The following TTLL5 variants were observed in gnomAD, a reference collection of about 807,000 sequenced individuals.
TTLL5 encodes tubulin polyglutamylase TTLL5.
TTLL5 carries 132 observed loss-of-function variants against 168.4 expected under a neutral mutation model. The ratio of observed to expected loss-of-function variants is 0.78; its 90% CI spans 0.68 to 0.91. The LOEUF (loss-of-function observed/expected upper bound fraction) is 0.91, where lower values mean the gene tolerates loss of function less well. TTLL5 is among the 40% of genes least tolerant of loss of function. The pLI is 0.00. For synonymous variants in TTLL5, 546 were observed against 558.6 expected, an observed-to-expected ratio of 0.98 and a Z score of 0.32; for missense variants, 1,545 against 1,581.5, an observed-to-expected ratio of 0.98 and a Z score of 0.39.
chr14:75,883,459 T>G (rs2031927779), intron 30 of TTLL5, among the ~76,000 whole-genome samples: 2 of 152,192 alleles, frequency 1.3e-5, no homozygotes, highest in South Asian at 4.1e-4. Context: ...CAGCCCTTCT[T>G]CAGTTTAAAC....
intron 9 of TTLL5, chr14:75,709,240 G>A (rs1420894405): frequency 5.3e-6 from 4 of 760,704 alleles, no homozygotes; most frequent in Non-Finnish European, 9.6e-6. Flanking sequence ...TTATGTACAG[G>A]TGCTTTGACA....
At chr14:75,855,625 G>A (rs1897090802) in intron 28 of TTLL5, among the ~76,000 whole-genome samples, 2 of 152,216 alleles carry the variant, frequency 1.3e-5, no homozygotes, top group South Asian at 4.1e-4. Flanking sequence ...ATCTCCAGAA[G>A]AGGGGAGCCT....
chr14:75,727,864 A>G (rs1376560671), intron 12 of TTLL5: 1 of 499,694 alleles, frequency 2.0e-6, no homozygotes, highest in Admixed American at 2.1e-5. Flanking sequence ...GATGGGGGAA[A>G]GGGCAGGATA....
At chr14:75,874,519 C>T (rs1015927992) in intron 29 of TTLL5, among the ~76,000 whole-genome samples, 5 of 152,154 alleles carry the variant, frequency 3.3e-5, no homozygotes, top group Admixed American at 6.6e-5. Flanking sequence ...AGCTTTTCAT[C>T]GGGTGCAAGC....
chr14:75,928,342 CAT>C (rs3034073), intron 31 of TTLL5, among the ~76,000 whole-genome samples: 3,206 of 81,954 alleles, frequency 0.039, 299 homozygotes, highest in African/African-American at 0.11. Flanking sequence ...ATGACAAAAA[CAT>C]ATATATATAT....
intron 26 of TTLL5, among the ~76,000 whole-genome samples, chr14:75,791,243 G>A (rs994581870): frequency 6.6e-6 from 1 of 152,114 alleles, no homozygotes; most frequent in Non-Finnish European, 1.5e-5. Context: ...ATGTATGCAA[G>A]GGTGTTTATG....
rs1257119537 is a variant in TTLL5, at chr14:75,776,835, T to A, written c.2372T>A (p.Phe791Tyr). 1 of 1,613,402 alleles carries A rather than the reference T, an allele frequency of 6.2e-7. No individual in the cohort carries two copies. The highest frequency in any genetic ancestry group is 2.2e-5 in the East Asian group (1 of 44,860). Residue 791 changes from phenylalanine (F) to tyrosine (Y), a missense_variant, in exon 23 of 32, where the codon TTC becomes TAC. Phe to Tyr is a conservative substitution (Grantham distance 22, BLOSUM62 3). Transcript: ENST00000298832. Reference protein sequence around the residue: ...DGVNMENFQEFIRQASEAELE... With the variant: ...DGVNMENFQEYIRQASEAELE... ...GTGAATATGGAAAACTTTCAGGAGTTCATCAGACAAGCAAGGTAGTAGACA... is the reference window on the plus strand; with the variant it reads ...GTGAATATGGAAAACTTTCAGGAGTACATCAGACAAGCAAGGTAGTAGACA...
At chr14:75,739,955 A>G (rs748337699) in intron 15 of TTLL5, among the ~76,000 whole-genome samples, 9 of 152,108 alleles carry the variant, frequency 5.9e-5, no homozygotes, top group Admixed American at 2.0e-4. Flanking sequence ...CACAAATGCT[A>G]TTTTGTTTTT....
At chr14:75,766,426 AC>A in intron 20 of TTLL5, 58 bp downstream of exon 20, 1 of 1,429,152 alleles carries the variant, frequency 7.0e-7, no homozygotes, top group Non-Finnish European at 9.4e-7. Flanking sequence ...TGTACTGTGT[AC>A]CAGCTACTAT....
At chr14:75,721,835 T>C (rs1297208448) in intron 12 of TTLL5, among the ~76,000 whole-genome samples, 1 of 152,222 alleles carries the variant, frequency 6.6e-6, no homozygotes, top group Non-Finnish European at 1.5e-5. Context: ...GTTAACAGGC[T>C]ATATTTGAGG....
At chr14:75,712,821 A>C (rs1319807158) in intron 9 of TTLL5, among the ~76,000 whole-genome samples, 2 of 152,182 alleles carry the variant, frequency 1.3e-5, no homozygotes, top group Non-Finnish European at 2.9e-5. Flanking sequence ...AGCGAAAAGG[A>C]AATGTAACTT....
At chr14:75,949,102 A>G (rs2080435175) in intron 31 of TTLL5, among the ~76,000 whole-genome samples, 2 of 152,096 alleles carry the variant, frequency 1.3e-5, no homozygotes, top group Non-Finnish European at 2.9e-5. Context: ...TTCTCAGATA[A>G]CATATTTGAT....
At position 75,665,109 on chromosome 14, in the gene TTLL5, GAAT is replaced by G. The variant is rs1594833273; in HGVS notation, c.74+1890_74+1892del. On this transcript the variant is annotated intron_variant, in intron 2 of 31. Transcript: ENST00000298832. Reference sequence around the variant, plus strand: ...TTTTTATGCCATGGATTCCTTACCAGAATAATGTTTTTAAGGCTTAAAATAAAA... The same window carrying G: ...TTTTTATGCCATGGATTCCTTACCAGAATGTTTTTAAGGCTTAAAATAAAA... Among the ~76,000 whole-genome samples the G allele has an allele frequency of 2.0e-5, 3 of 152,212 alleles. No individual in the cohort carries two copies. The East Asian group carries it at 5.8e-4, about 29-fold the overall frequency.
Position 75,779,595 on chromosome 14 carries a change from T to G in TTLL5, c.2408T>G (p.Val803Gly). The change falls in exon 24 of 32, where the codon GTG (valine) becomes GGG (glycine). Residue 803 changes from valine (V) to glycine (G), a missense_variant. Physicochemically the swap from Val to Gly is moderately radical, Grantham distance 109. Coordinates refer to ENST00000298832, the MANE Select transcript of TTLL5 (RefSeq NM_015072.5). The part of the protein sequence containing the change: ...RQASEAELEE[V>G]LTFYTQKNKS... The stretch of plus-strand genomic sequence containing the variant: ...TTCAGTGAGGCTGAACTGGAGGAGG[T>G]GTTGACTTTTTATACCCAAAAGAAC... The G allele has an allele frequency of 1.9e-6, 3 of 1,613,560 alleles. No individual in the cohort carries two copies. Among genetic ancestry groups the G allele is most frequent in the Non-Finnish European group, 2.5e-6 (3 of 1,179,816 alleles).
At chr14:75,777,872 G>A (rs1270293171) in intron 23 of TTLL5, among the ~76,000 whole-genome samples, 2 of 151,726 alleles carry the variant, frequency 1.3e-5, no homozygotes, top group Non-Finnish European at 2.9e-5. Context: ...GTCCATAATT[G>A]TATGGTGTTA....
In TTLL5 at chr14:75,863,880, T is replaced by C. The variant is rs764853698; in HGVS notation, c.3522+18T>C. 3.4e-6 allele frequency: 5 copies of C among 1,489,916 alleles called. No homozygotes were observed. The highest frequency in any genetic ancestry group is 4.5e-6 in the Non-Finnish European group (5 of 1,103,540). 92.3% of individuals were successfully genotyped at this position (1,489,916 alleles called of 1,614,324 possible). A position where few individuals can be genotyped will look rare whatever the true frequency, so the allele number is the denominator to read the frequency against. On this transcript the variant is annotated intron_variant, in intron 29 of 31. Coordinates refer to ENST00000298832, the MANE Select transcript of TTLL5 (RefSeq NM_015072.5). ...GGCACCAGGTAATTCAAGATAAGTCTTTTCCATGTGTTATATCTTCCTGCT... is the reference window on the plus strand; with the variant it reads ...GGCACCAGGTAATTCAAGATAAGTCCTTTCCATGTGTTATATCTTCCTGCT...
At position 75,954,252 on chromosome 14, in the gene TTLL5, CAAAAAAAAAAAAA is replaced by C. The variant is rs56396876; in HGVS notation, c.3824-161_3824-149del. Among the ~76,000 whole-genome samples the C allele has an allele frequency of 2.8e-4, 21 of 74,518 alleles. 1 individual carries two copies. In the East Asian group the frequency reaches 7.5e-3, roughly 27 times the overall value. The allele number at this position is 74,518 out of a possible 152,430, so 48.9% of individuals were successfully genotyped here. A position where few individuals can be genotyped will look rare whatever the true frequency, so the allele number is the denominator to read the frequency against. On this transcript the variant is annotated intron_variant, in intron 31 of 31. Coordinates refer to ENST00000298832, the MANE Select transcript of TTLL5 (RefSeq NM_015072.5). ...TGGGCGACAGAGTGAGACTCCATCT[CAAAAAAAAAAAAA>C]AAAAAAAAAAGAGCTTTCCACTTAG...
At chr14:75,894,809 A>G (rs1461677300) in intron 30 of TTLL5, among the ~76,000 whole-genome samples, 2 of 152,202 alleles carry the variant, frequency 1.3e-5, no homozygotes, top group Admixed American at 1.3e-4. Context: ...AATCAGAAGG[A>G]AAACTGGTAT....
chr14:75,755,591 G>C (rs1427575031), intron 18 of TTLL5, among the ~76,000 whole-genome samples: 1 of 151,878 alleles, frequency 6.6e-6, no homozygotes, highest in Non-Finnish European at 1.5e-5. Context: ...ACTAATTTGT[G>C]CTTTCCAGGT....
Sources: gnomAD v4.1 joint callset for allele counts (sites outside exome capture counted in the v4.1 genomes callset) on GRCh38, gnomAD v4.1.1 for gene constraint, MANE v1.5 for transcripts, NCBI Gene and HGNC (gene_info 2026-07-23, HGNC 2026-07-21) for gene names.